SNTG1: variants seen among roughly 807,000 people sequenced by gnomAD.
The protein encoded by SNTG1 is syntrophin gamma 1, also known as gamma-1-syntrophin.
In SNTG1, 39 loss-of-function variants were observed where a neutral mutation model predicts 74.7. That is an observed-to-expected ratio of 0.52 (90% CI 0.40 to 0.68). SNTG1 has a LOEUF of 0.68. SNTG1 is among the 30% of genes least tolerant of loss of function. SNTG1 has a pLI of 0.00. For synonymous variants in SNTG1, 254 were observed against 217.1 expected (o/e 1.17, Z -1.49); for missense variants, 685 against 609.5 (o/e 1.12, Z -1.30).
At chr8:50,458,505 A>G (rs1380273946) in intron 8 of SNTG1, among the ~76,000 whole-genome samples, 3 of 152,120 alleles carry the variant, frequency 2.0e-5, no homozygotes, top group African/African-American at 7.2e-5. Context: ...CACTGAACCA[A>G]TGGAATTCAG....
chr8:50,378,685 T>A (rs1478571294), intron 2 of SNTG1, among the ~76,000 whole-genome samples: 3 of 151,794 alleles, frequency 2.0e-5, no homozygotes, highest in Non-Finnish European at 4.4e-5. Context: ...AGGCAAATCA[T>A]CCTGATGAGT....
intron 2 of SNTG1, among the ~76,000 whole-genome samples, chr8:50,290,443 T>C (rs2089031174): frequency 6.6e-6 from 1 of 152,204 alleles, no homozygotes; most frequent in Non-Finnish European, 1.5e-5. Flanking sequence ...TGCTGTGTTC[T>C]CTACAGAATG....
intron 4 of SNTG1, among the ~76,000 whole-genome samples, chr8:50,426,182 C>A (rs187150025): frequency 6.6e-6 from 1 of 152,052 alleles, no homozygotes; most frequent in South Asian, 2.1e-4. Context: ...TAGTTTTCAT[C>A]GATAGTCCAG....
At chr8:50,743,906 T>C (rs2095549353) in intron 17 of SNTG1, among the ~76,000 whole-genome samples, 2 of 151,860 alleles carry the variant, frequency 1.3e-5, no homozygotes, top group South Asian at 4.2e-4. Context: ...CTCAGGGAGT[T>C]TTTAGTCATG....
chr8:50,529,583 A>T (rs1267927437), intron 9 of SNTG1, among the ~76,000 whole-genome samples: 1 of 152,084 alleles, frequency 6.6e-6, no homozygotes, highest in Non-Finnish European at 1.5e-5. Context: ...AAATCTTAGA[A>T]AATGACAAAT....
chr8:50,172,980 A>G (rs1383433533), intron 2 of SNTG1, among the ~76,000 whole-genome samples: 1 of 151,678 alleles, frequency 6.6e-6, no homozygotes, highest in South Asian at 2.1e-4. Context: ...AACACCCTTT[A>G]TTAGGTGAGG....
intron 15 of SNTG1, among the ~76,000 whole-genome samples, chr8:50,674,249 G>A (rs1368357095): frequency 6.6e-6 from 1 of 152,088 alleles, no homozygotes; most frequent in African/African-American, 2.4e-5. Flanking sequence ...CAGAAGGAAT[G>A]GTACCAGCTC....
intron 18 of SNTG1, among the ~76,000 whole-genome samples, chr8:50,773,605 A>G (rs559728787): frequency 6.6e-6 from 1 of 152,250 alleles, no homozygotes; most frequent in South Asian, 2.1e-4. Flanking sequence ...ATAGGAAAAC[A>G]TCAACAACAA....
At chr8:50,162,276 G>A (rs1174814926) in intron 1 of SNTG1, among the ~76,000 whole-genome samples, 1 of 152,054 alleles carries the variant, frequency 6.6e-6, no homozygotes, top group Non-Finnish European at 1.5e-5. Flanking sequence ...CTATAAGAAA[G>A]CACCGGCCGT....
intron 2 of SNTG1, among the ~76,000 whole-genome samples, chr8:50,290,973 G>A (rs1443524686): frequency 1.3e-5 from 2 of 152,036 alleles, no homozygotes; most frequent in African/African-American, 4.8e-5. Context: ...ACCCAGGCTG[G>A]TCTCGATCTC....
intron 2 of SNTG1, among the ~76,000 whole-genome samples, chr8:50,318,932 A>T (rs548140216): frequency 6.6e-6 from 1 of 151,970 alleles, no homozygotes; most frequent in African/African-American, 2.4e-5. Context: ...GAATACATAT[A>T]TGTGTTCTAC....
chr8:50,114,433 C>G (rs531575897), intron 1 of SNTG1, among the ~76,000 whole-genome samples: 1 of 152,176 alleles, frequency 6.6e-6, no homozygotes, highest in East Asian at 1.9e-4. Context: ...TTGAGAAAAA[C>G]AAATGCTGTA....
chr8:50,502,990 T>A (rs1193412389), intron 9 of SNTG1, 110 bp downstream of exon 9: 5 of 830,266 alleles, frequency 6.0e-6, no homozygotes, highest in Non-Finnish European at 1.9e-6. Flanking sequence ...TTTGCCTGAC[T>A]GTAAACATTT....
At chr8:50,384,356 G>C (rs188277472) in intron 2 of SNTG1, among the ~76,000 whole-genome samples, 25 of 152,310 alleles carry the variant, frequency 1.6e-4, no homozygotes, top group Admixed American at 1.2e-3. Context: ...TATGGAATAT[G>C]ATGACAGTTA....
At chr8:50,395,628 G>A (rs1001695256) in intron 3 of SNTG1, among the ~76,000 whole-genome samples, 3 of 150,024 alleles carry the variant, frequency 2.0e-5, no homozygotes, top group East Asian at 4.1e-4. Context: ...CTCAGCCTCC[G>A]AAGTAGCTGG....
Position 50,570,276 on chromosome 8 carries a change from A to ATTTTATTTTATTTTATTTTATTTTG in SNTG1, c.810+17098_810+17099insTTTATTTTATTTTATTTTATTTTGT, listed in dbSNP as rs796738437. 2.4e-3 allele frequency among the ~76,000 whole-genome samples: 97 copies of ATTTTATTTTATTTTATTTTATTTTG among 40,112 alleles called. 1 individual carries two copies. Among genetic ancestry groups the ATTTTATTTTATTTTATTTTATTTTG allele is most frequent in the African/African-American group, 4.2e-3 (93 of 21,886 alleles). 26.3% of individuals were successfully genotyped at this position (40,112 alleles called of 152,430 possible). On this transcript the variant is annotated intron_variant, in intron 12 of 18. Transcript: ENST00000642720. Reference sequence around the variant, plus strand: ...ATTTTATTTTATTTTATTTTATTTTATAGATGGAGTCTCGCTCTGTCACCC... The same window carrying ATTTTATTTTATTTTATTTTATTTTG: ...ATTTTATTTTATTTTATTTTATTTTATTTTATTTTATTTTATTTTATTTTGTAGATGGAGTCTCGCTCTGTCACCC...
chr8:50,343,140 G>C (rs778361045), intron 2 of SNTG1, among the ~76,000 whole-genome samples: 4 of 152,156 alleles, frequency 2.6e-5, no homozygotes, highest in South Asian at 4.2e-4. Flanking sequence ...GATTTATGTC[G>C]CTCATAGGAA....
At chr8:50,581,891 A>G (rs937802692) in intron 12 of SNTG1, among the ~76,000 whole-genome samples, 38 of 152,332 alleles carry the variant, frequency 2.5e-4, no homozygotes, top group African/African-American at 8.9e-4. Flanking sequence ...CTTGTCATAC[A>G]AACATAAGTA....
intron 18 of SNTG1, among the ~76,000 whole-genome samples, chr8:50,760,001 G>C (rs533201576): frequency 6.6e-6 from 1 of 152,054 alleles, no homozygotes; most frequent in African/African-American, 2.4e-5. Context: ...CCATTTGTTT[G>C]TGTCCTCTCT....
Sources: gnomAD v4.1 joint callset for allele counts (sites outside exome capture counted in the v4.1 genomes callset) on GRCh38, gnomAD v4.1.1 for gene constraint, MANE v1.5 for transcripts, NCBI Gene and HGNC (gene_info 2026-07-23, HGNC 2026-07-21) for gene names.